The following ELP4 variants were observed in gnomAD, a reference collection of about 807,000 sequenced individuals.
ELP4 encodes the protein elongator acetyltransferase complex subunit 4.
Under a neutral mutation model 48.9 loss-of-function variants are expected in ELP4, and 51 were observed. The ratio of observed to expected loss-of-function variants is 1.04; its 90% CI spans 0.83 to 1.32. The LOEUF (loss-of-function observed/expected upper bound fraction) is 1.32, where lower values mean the gene tolerates loss of function less well. Among genes scored for constraint, ELP4 ranks in the 40% most tolerant of loss-of-function variants. ELP4 has a pLI of 0.00. For missense variants in ELP4, 519 were observed against 514.6 expected (o/e 1.01, Z -0.08); for synonymous variants, 210 against 189.2 (o/e 1.11, Z -0.90).
At chr11:31,544,390 C>G (rs1221613919) in intron 3 of ELP4, among the ~76,000 whole-genome samples, 3 of 152,184 alleles carry the variant, frequency 2.0e-5, no homozygotes, top group African/African-American at 7.2e-5. Context: ...ATGGAGTCTC[C>G]CTGATTGCTA....
In ELP4 at chr11:31,703,332, T is replaced by C. The variant is rs566874018; in HGVS notation, c.1143+53111T>C. Among the ~76,000 whole-genome samples the C allele has an allele frequency of 4.4e-4, 67 of 152,292 alleles. 1 individual carries two copies. The highest frequency in any genetic ancestry group is 1.6e-3 in the African/African-American group (66 of 41,552). On this transcript the variant is annotated intron_variant, in intron 9 of 9. Coordinates refer to ENST00000640961, the MANE Select transcript of ELP4 (RefSeq NM_019040.5). ...GCTATCCCCAGATATTCTAAAACAG[T>C]TATGACACCTTTTCAGATTTAGATC...
chr11:31,678,634 A>T (rs1945989179), intron 9 of ELP4, among the ~76,000 whole-genome samples: 1 of 151,840 alleles, frequency 6.6e-6, no homozygotes, highest in Non-Finnish European at 1.5e-5. Context: ...TGGGTGTACC[A>T]TAGTTTGTTT....
intron 9 of ELP4, among the ~76,000 whole-genome samples, chr11:31,769,034 A>G (rs908663356): frequency 1.3e-5 from 2 of 152,140 alleles, no homozygotes; most frequent in African/African-American, 2.4e-5. Context: ...AAATACAACT[A>G]TTGAACATAA....
intron 1 of ELP4, among the ~76,000 whole-genome samples, chr11:31,517,328 G>A (rs1956133648): frequency 6.6e-6 from 1 of 151,616 alleles, no homozygotes. Flanking sequence ...GGGATTACAG[G>A]AGCGGGCCAC....
At chr11:31,556,476 A>G (rs946559631) in intron 3 of ELP4, among the ~76,000 whole-genome samples, 2 of 150,612 alleles carry the variant, frequency 1.3e-5, no homozygotes, top group African/African-American at 2.4e-5. Context: ...TGCACACACA[A>G]TTTTTATAGA....
chr11:31,636,917 A>G (rs1944990450), intron 7 of ELP4, among the ~76,000 whole-genome samples: 3 of 152,032 alleles, frequency 2.0e-5, no homozygotes, highest in Admixed American at 2.0e-4. Flanking sequence ...ATAATCTTAA[A>G]CAATTTTCCC....
At position 31,786,994 on chromosome 11, in the gene ELP4, G is replaced by A. The variant is rs778326111; in HGVS notation, c.*3470G>A. 9 of 216,694 alleles carry A rather than the reference G, an allele frequency of 4.2e-5. No individual in the cohort carries two copies. The highest frequency in any genetic ancestry group is 1.9e-4 in the South Asian group (1 of 5,298). The allele number at this position is 216,694 out of a possible 1,614,324, so 13.4% of individuals were successfully genotyped here. ...AAAACATCCCTGCAGATACCCCATT[G>A]ATAAATATATAAATATATGTATCGT... On this transcript the variant is annotated 3_prime_UTR_variant, in exon 10 of 10. Coordinates refer to ENST00000640961, the MANE Select transcript of ELP4 (RefSeq NM_019040.5).
At chr11:31,716,759 AAC>A (rs952459374) in intron 9 of ELP4, among the ~76,000 whole-genome samples, 3 of 152,226 alleles carry the variant, frequency 2.0e-5, no homozygotes, top group African/African-American at 7.2e-5. Context: ...CAAAATAACA[AAC>A]ATTCTCAATT....
intron 2 of ELP4, 86 bp from the exon 3 acceptor site, chr11:31,539,576 A>T (rs906001630): frequency 6.6e-6 from 9 of 1,367,334 alleles, no homozygotes; most frequent in Non-Finnish European, 8.8e-6. Flanking sequence ...AAAAAATATA[A>T]AAACATATGA....
chr11:31,603,708 C>G, intron 4 of ELP4, 60 bp from the exon 5 acceptor site: 1 of 1,555,948 alleles, frequency 6.4e-7, no homozygotes, highest in Non-Finnish European at 8.7e-7. Context: ...GGATGTAGGA[C>G]AAATAAATTA....
At chr11:31,691,234 G>A (rs1424639845) in intron 9 of ELP4, among the ~76,000 whole-genome samples, 4 of 151,932 alleles carry the variant, frequency 2.6e-5, no homozygotes, top group South Asian at 2.1e-4. Context: ...TTTAAATCTC[G>A]GATAGTACTA....
At chr11:31,670,337 C>CT (rs1252150580) in intron 9 of ELP4, among the ~76,000 whole-genome samples, 1 of 152,040 alleles carries the variant, frequency 6.6e-6, no homozygotes, top group Non-Finnish European at 1.5e-5. Flanking sequence ...ATCCCATGGG[C>CT]TTACATATTC....
At chr11:31,679,011 G>A (rs1451552273) in intron 9 of ELP4, among the ~76,000 whole-genome samples, 1 of 152,074 alleles carries the variant, frequency 6.6e-6, no homozygotes, top group Non-Finnish European at 1.5e-5. Flanking sequence ...CAATTTTCTG[G>A]ACATATGATA....
intron 5 of ELP4, among the ~76,000 whole-genome samples, 165 bp from the exon 6 acceptor site, chr11:31,626,945 T>A (rs945084624): frequency 6.6e-6 from 1 of 151,938 alleles, no homozygotes; most frequent in Non-Finnish European, 1.5e-5. Flanking sequence ...TTATTCCCTG[T>A]ATGTATTGAC....
chr11:31,617,196 A>G (rs1944508406), intron 5 of ELP4, among the ~76,000 whole-genome samples: 1 of 152,172 alleles, frequency 6.6e-6, no homozygotes, highest in South Asian at 2.1e-4. Context: ...GATAAATAAA[A>G]TATACCATAT....
intron 3 of ELP4, among the ~76,000 whole-genome samples, chr11:31,586,373 G>T (rs1258316830): frequency 4.6e-5 from 7 of 152,164 alleles, no homozygotes. Flanking sequence ...CCGTTTTACA[G>T]GTGTTGGGGA....
At chr11:31,552,073 T>A (rs188301738) in intron 3 of ELP4, among the ~76,000 whole-genome samples, 21 of 152,286 alleles carry the variant, frequency 1.4e-4, no homozygotes, top group African/African-American at 5.1e-4. Context: ...TCATCTGACT[T>A]GCCTCATCAA....
intron 6 of ELP4, among the ~76,000 whole-genome samples, chr11:31,630,179 G>A (rs1034880314): frequency 5.3e-5 from 8 of 149,668 alleles, no homozygotes; most frequent in East Asian, 2.0e-4. Flanking sequence ...TCATGTTTTA[G>A]GTCCTTAGAG....
intron 7 of ELP4, chr11:31,647,527 A>G (rs1945227343): frequency 1.3e-5 from 5 of 389,524 alleles, no homozygotes; most frequent in Middle Eastern, 7.0e-4. Context: ...CAGTTCTTCA[A>G]ATTAGAATAG....
Sources: allele counts gnomAD v4.1 joint callset (sites outside exome capture counted in the v4.1 genomes callset), GRCh38; gene constraint gnomAD v4.1.1; transcripts MANE v1.5; gene names NCBI Gene and HGNC (gene_info 2026-07-23, HGNC 2026-07-21).